Variants in C10orf53 observed in about 807,000 individuals in gnomAD.
The protein encoded by C10orf53 is chromosome 10 open reading frame 53, also known as UPF0728 protein C10orf53.
Under a neutral mutation model 9.4 loss-of-function variants are expected in C10orf53, and 8 were observed. That is an observed-to-expected ratio of 0.85 (90% CI 0.50 to 1.53). C10orf53 has a LOEUF of 1.53. Ranked by LOEUF, C10orf53 falls within the 40% of genes most tolerant of loss-of-function variation. The probability of loss-of-function intolerance (pLI) is 0.00; values close to 1 mark genes in which losing one functional copy is unlikely to be tolerated. For synonymous variants in C10orf53, 48 were observed against 46.0 expected (o/e 1.04, Z -0.18); for missense variants, 117 against 117.8 (o/e 0.99, Z 0.03).
intron 2 of C10orf53, among the ~76,000 whole-genome samples, chr10:49,703,137 C>T (rs780749109): frequency 1.2e-4 from 19 of 152,112 alleles, no homozygotes; most frequent in African/African-American, 2.2e-4. Context: ...CTTCTTTCCC[C>T]GCCAATTCCA....
intron 1 of C10orf53, among the ~76,000 whole-genome samples, chr10:49,687,525 A>T (rs535446780): frequency 2.2e-4 from 34 of 152,348 alleles, no homozygotes; most frequent in African/African-American, 8.2e-4. Flanking sequence ...GTAGCTTTGC[A>T]GTCAAGGTGA....
At chr10:49,706,000 G>A (rs1241131874) in intron 2 of C10orf53, among the ~76,000 whole-genome samples, 2 of 152,200 alleles carry the variant, frequency 1.3e-5, no homozygotes, top group East Asian at 3.8e-4. Context: ...GACAAGCACA[G>A]GAAAAGATGC....
rs368263089 is a variant in C10orf53, at chr10:49,693,814, G to T, written c.138G>T (p.Lys46Asn). 6 of 1,613,944 alleles carry T rather than the reference G, an allele frequency of 3.7e-6. No individual in the cohort carries two copies. The highest frequency in any genetic ancestry group is 2.2e-5 in the East Asian group (1 of 44,890). The stretch of plus-strand genomic sequence containing the variant: ...ATGGACATGAGGTCATCCTAGAGAA[G>T]ATAGAAGACTGGAATGTGGTGGAAC... ...AIDGHEVILE[K>N]IEDWNVVELM... The change falls in exon 2 of 3, where the codon AAG becomes AAT. Residue 46 changes from lysine (K) to asparagine (N), a missense_variant. Coordinates refer to ENST00000374111, the MANE Select transcript of C10orf53 (RefSeq NM_001042427.3).
intron 1 of C10orf53, among the ~76,000 whole-genome samples, chr10:49,689,498 T>G (rs1840561502): frequency 6.6e-6 from 1 of 152,174 alleles, no homozygotes; most frequent in Non-Finnish European, 1.5e-5. Flanking sequence ...AATCCAGCTG[T>G]TCCATTTCTC....
exon 3 of C10orf53, chr10:49,708,560 A>C: frequency 1.2e-6 from 2 of 1,614,232 alleles, no homozygotes. Flanking sequence ...TGGGTTGGCC[A>C]GGCCTGGATC....
chr10:49,679,774 T>G lies in C10orf53; in HGVS notation c.77T>G (p.Phe26Cys). ...GGCCTACCGGTGGAGCACCACACCTTCCGCCTGCAGGGCCTGCAAGGTGGG... is the reference window on the plus strand; with the variant it reads ...GGCCTACCGGTGGAGCACCACACCTGCCGCCTGCAGGGCCTGCAAGGTGGG... ...AAGLPVEHHT[F>C]RLQGLQAVLA... The change falls in exon 1 of 3, where the codon TTC becomes TGC. Residue 26 changes from phenylalanine to cysteine, a missense_variant. By Grantham distance (205) the Phe-to-Cys change is radical. Coordinates refer to ENST00000374111, the MANE Select transcript of C10orf53 (RefSeq NM_001042427.3). 6.5e-7 allele frequency: 1 copy of G among 1,542,906 alleles called. No homozygotes were observed. Among genetic ancestry groups the G allele is most frequent in the Non-Finnish European group, 8.7e-7 (1 of 1,144,372 alleles).
chr10:49,689,422 A>T (rs1840560919), intron 1 of C10orf53, among the ~76,000 whole-genome samples: 1 of 152,210 alleles, frequency 6.6e-6, no homozygotes, highest in Non-Finnish European at 1.5e-5. Context: ...GCGGGAGAGT[A>T]AATTGAACTG....
chr10:49,697,768 TCTC>T (rs1840648182), downstream of C10orf53, among the ~76,000 whole-genome samples: 1 of 152,210 alleles, frequency 6.6e-6, no homozygotes, highest in East Asian at 1.9e-4. Flanking sequence ...GCCAGGCTGG[TCTC>T]CTGACCTCAA....
chr10:49,683,062 C>T (rs950812283), intron 1 of C10orf53, among the ~76,000 whole-genome samples: 5 of 152,164 alleles, frequency 3.3e-5, no homozygotes, highest in Non-Finnish European at 7.3e-5. Context: ...GTTTGAATCC[C>T]TTTGTTTTAA....
exon 3 of C10orf53, chr10:49,708,652 T>G: frequency 6.2e-7 from 1 of 1,605,684 alleles, no homozygotes; most frequent in Non-Finnish European, 8.5e-7. Context: ...AGGGGTTCAT[T>G]TCACAAAAGG....
intron 2 of C10orf53, chr10:49,694,160 G>T: frequency 1.7e-6 from 1 of 595,314 alleles, no homozygotes; most frequent in Non-Finnish European, 2.9e-6. Flanking sequence ...CGAGGGATGT[G>T]ATGGAATTAA....
Position 49,708,363 on chromosome 10 carries a change from A to T in C10orf53, c.220A>T (p.Lys74Ter). ...TTCTCTGTTGTCTTTGTTCTCAGGC[A>T]AGCTCACCCCAAGTAGTGACAAGAG... is the stretch of plus-strand genomic sequence containing the variant. The change falls in exon 3 of 3, where the codon AAG (lysine) becomes TAG (stop). Residue 74 changes from lysine to a stop codon, truncating the protein, a stop_gained and splice_region_variant. Coordinates refer to the C10orf53 transcript ENST00000374112. LOFTEE classifies it low-confidence loss of function (END_TRUNC). The T allele has an allele frequency of 6.2e-7, 1 of 1,613,770 alleles. No individual in the cohort carries two copies. The highest frequency in any genetic ancestry group is 8.5e-7 in the Non-Finnish European group (1 of 1,179,886).
At chr10:49,708,286 G>A in intron 2 of C10orf53, 5 of 1,567,282 alleles carry the variant, frequency 3.2e-6, no homozygotes, top group Non-Finnish European at 4.3e-6. Flanking sequence ...GTGAATATGA[G>A]TGTTCAGTCG....
At chr10:49,682,890 A>G (rs1199802956) in intron 1 of C10orf53, among the ~76,000 whole-genome samples, 1 of 152,180 alleles carries the variant, frequency 6.6e-6, no homozygotes, top group Non-Finnish European at 1.5e-5. Flanking sequence ...TAATATTTCA[A>G]GGTTTATCCA....
Position 49,706,764 on chromosome 10 carries a change from C to T in C10orf53, c.218-1597C>T, listed in dbSNP as rs117698540. ...CCTAACTACCAAAAAACGTCAGTTG[C>T]CTCCTCCCTCCAAACTATTTGAACA... On this transcript the variant is annotated intron_variant, in intron 2 of 2. Coordinates refer to the C10orf53 transcript ENST00000374112. 7.4e-3 allele frequency among the ~76,000 whole-genome samples: 1,124 copies of T among 152,296 alleles called. 7 individuals carry two copies. Among genetic ancestry groups the T allele is most frequent in the Non-Finnish European group, 8.7e-3 (593 of 68,024 alleles).
At chr10:49,699,475 A>C (rs1840664705), downstream of C10orf53, among the ~76,000 whole-genome samples, 1 of 151,976 alleles carries the variant, frequency 6.6e-6, no homozygotes, top group Non-Finnish European at 1.5e-5. Flanking sequence ...GATTACAGGC[A>C]CAAGCCACCA....
downstream of C10orf53, among the ~76,000 whole-genome samples, chr10:49,701,013 T>G (rs1564508520): frequency 1.3e-5 from 2 of 151,040 alleles, no homozygotes; most frequent in Admixed American, 1.3e-4. Context: ...GATATATATA[T>G]ATGTATATAT....
rs1228012208 is a variant in C10orf53 at position 49,697,421 on chromosome 10, G to A, written c.*2819G>A. 6.6e-6 allele frequency among the ~76,000 whole-genome samples: 1 copy of A among 152,076 alleles called. No homozygotes were observed. Among genetic ancestry groups the A allele is most frequent in the African/African-American group, 2.4e-5 (1 of 41,392 alleles). The stretch of plus-strand genomic sequence containing the variant: ...CTGTGCTTCAACGTGCTAGACATTC[G>A]GGCGCCTTCATGCTTTTAAAATACC... On this transcript the variant is annotated 3_prime_UTR_variant, in exon 3 of 3. Coordinates refer to ENST00000374111, the MANE Select transcript of C10orf53 (RefSeq NM_001042427.3).
chr10:49,689,648 G>A (rs1267783429), intron 1 of C10orf53, among the ~76,000 whole-genome samples: 2 of 152,212 alleles, frequency 1.3e-5, no homozygotes, highest in South Asian at 2.1e-4. Context: ...ATTGTAGTGC[G>A]TACATCATGT....
Sources: allele counts gnomAD v4.1 joint callset (sites outside exome capture counted in the v4.1 genomes callset), GRCh38; gene constraint gnomAD v4.1.1; transcripts MANE v1.5; gene names NCBI Gene and HGNC (gene_info 2026-07-23, HGNC 2026-07-21).